The following RPSA2 variants were observed in gnomAD, a reference collection of about 807,000 sequenced individuals.
RPSA2 encodes the protein small ribosomal subunit protein uS2B.
At chr19:23,806,784 CAAA>C in the RPSA2 span, among the ~76,000 whole-genome samples, 14 of 71,354 alleles carry the variant, frequency 2.0e-4, no homozygotes, top group African/African-American at 6.8e-4. Context: ...GACTGAGTCT[CAAA>C]AAAAAAAAAA....
the RPSA2 span, among the ~76,000 whole-genome samples, chr19:23,798,371 A>C: frequency 1.3e-5 from 2 of 152,196 alleles, no homozygotes; most frequent in East Asian, 3.9e-4. Flanking sequence ...TAAACTGAAC[A>C]GTGGAGTATA....
chr19:23,828,754 CTGTT>C, the RPSA2 span, among the ~76,000 whole-genome samples: 2 of 151,794 alleles, frequency 1.3e-5, no homozygotes, highest in South Asian at 2.1e-4. Context: ...CTCCATAACT[CTGTT>C]TGGAATAATT....
chr19:23,808,229 A>C, the RPSA2 span, among the ~76,000 whole-genome samples: 16 of 151,492 alleles, frequency 1.1e-4, no homozygotes, highest in East Asian at 3.1e-3. Context: ...CCAGTTTTTG[A>C]TTCAGTAGTA....
At chr19:23,808,709 A>T in the RPSA2 span, 1 of 684,372 alleles carries the variant, frequency 1.5e-6, no homozygotes, top group Non-Finnish European at 2.5e-6. Flanking sequence ...AGTTATTTTT[A>T]ATAAAACAGG....
the RPSA2 span, among the ~76,000 whole-genome samples, chr19:23,843,673 A>T: frequency 1.3e-5 from 2 of 152,176 alleles, no homozygotes; most frequent in Non-Finnish European, 2.9e-5. Flanking sequence ...AGCAGTGGTG[A>T]TATTAAGATT....
the RPSA2 span, among the ~76,000 whole-genome samples, chr19:23,833,579 A>G: frequency 6.6e-5 from 10 of 152,242 alleles, no homozygotes; most frequent in Non-Finnish European, 7.4e-5. Context: ...CAAGCTTCTA[A>G]CTAATGCTCA....
At chr19:23,848,685 G>T in the RPSA2 span, among the ~76,000 whole-genome samples, 1 of 149,192 alleles carries the variant, frequency 6.7e-6, no homozygotes, top group African/African-American at 2.5e-5. Flanking sequence ...TATTCCAATT[G>T]TACTGCATTT....
chr19:23,787,520 A>C, the RPSA2 span, among the ~76,000 whole-genome samples: 1 of 151,954 alleles, frequency 6.6e-6, no homozygotes, highest in African/African-American at 2.4e-5. Context: ...GAGGCAGGAG[A>C]ATTGGTTGAA....
chr19:23,808,158 A>G, the RPSA2 span, among the ~76,000 whole-genome samples: 2 of 152,238 alleles, frequency 1.3e-5, no homozygotes, highest in South Asian at 2.1e-4. Flanking sequence ...ATTATTGGTA[A>G]TTTCAGAAGT....
At chr19:23,762,341 A>G in the RPSA2 span, among the ~76,000 whole-genome samples, 1 of 151,712 alleles carries the variant, frequency 6.6e-6, no homozygotes, top group Admixed American at 6.6e-5. Context: ...GCGCTCAGGG[A>G]TGGGATGAAG....
At chr19:23,761,010 T>TGTGC in the RPSA2 span, among the ~76,000 whole-genome samples, 1 of 434 alleles carries the variant, frequency 2.3e-3, no homozygotes, top group Admixed American at 0.062. Context: ...TATAAATATA[T>TGTGC]GTGTGTATAT....
chr19:23,847,672 G>T, the RPSA2 span, among the ~76,000 whole-genome samples: 3 of 152,082 alleles, frequency 2.0e-5, no homozygotes, highest in Admixed American at 6.6e-5. Flanking sequence ...GCAGATAACT[G>T]GTCTGACCAA....
At chr19:23,814,609 C>T in the RPSA2 span, among the ~76,000 whole-genome samples, 1 of 152,126 alleles carries the variant, frequency 6.6e-6, no homozygotes, top group Non-Finnish European at 1.5e-5. Context: ...CTTTAAAAAA[C>T]TGCTGTTGGG....
At chr19:23,800,855 C>T in the RPSA2 span, among the ~76,000 whole-genome samples, 2 of 152,124 alleles carry the variant, frequency 1.3e-5, no homozygotes, top group Admixed American at 6.5e-5. Flanking sequence ...TCAGGTGATC[C>T]ACCCACCTTA....
At chr19:23,806,656 G>A in the RPSA2 span, among the ~76,000 whole-genome samples, 4 of 151,824 alleles carry the variant, frequency 2.6e-5, no homozygotes, top group African/African-American at 4.8e-5. Context: ...ATGGTGGCAC[G>A]TGCTAGTAGT....
the RPSA2 span, among the ~76,000 whole-genome samples, chr19:23,866,101 TACA>T: frequency 2.6e-5 from 4 of 152,178 alleles, no homozygotes; most frequent in East Asian, 5.8e-4. Context: ...TCAGATCTGG[TACA>T]ACAATTAACA....
At chr19:23,841,004 G>A in the RPSA2 span, among the ~76,000 whole-genome samples, 1 of 148,922 alleles carries the variant, frequency 6.7e-6, no homozygotes, top group Non-Finnish European at 1.5e-5. Flanking sequence ...CATGGACATC[G>A]TATGTGCCTT....
chr19:23,863,719 A>T, the RPSA2 span, among the ~76,000 whole-genome samples: 1 of 152,230 alleles, frequency 6.6e-6, no homozygotes, highest in African/African-American at 2.4e-5. Flanking sequence ...CCTAGAGACA[A>T]GCTGGACATA....
chr19:23,784,630 G>A, the RPSA2 span, among the ~76,000 whole-genome samples: 148,872 of 152,302 alleles, frequency 0.98, 72,855 homozygotes, highest in Middle Eastern at 1. Flanking sequence ...AGATAATGTC[G>A]TAGGAGTACA....
Sources: allele counts gnomAD v4.1 joint callset (sites outside exome capture counted in the v4.1 genomes callset), GRCh38; gene constraint gnomAD v4.1.1; transcripts MANE v1.5; gene names NCBI Gene and HGNC (gene_info 2026-07-23, HGNC 2026-07-21).